RUNX1: variants seen among roughly 807,000 people sequenced by gnomAD.
RUNX1 encodes the protein RUNX family transcription factor 1.
RUNX1 carries 19 observed loss-of-function variants against 42.8 expected under a neutral mutation model. That is an observed-to-expected ratio of 0.44 (90% CI 0.31 to 0.65). The LOEUF (loss-of-function observed/expected upper bound fraction) is 0.65. Among genes scored for constraint, RUNX1 ranks in the 30% least tolerant of loss-of-function variants. The pLI, the probability that RUNX1 is intolerant of heterozygous loss-of-function variation, is 0.07. For missense variants in RUNX1, 528 were observed against 672.0 expected, an observed-to-expected ratio of 0.79 and a Z score of 2.37; for synonymous variants, 271 against 289.4, an observed-to-expected ratio of 0.94 and a Z score of 0.64.
chr21:34,816,009 C>T (rs945339808), intron 7 of RUNX1, among the ~76,000 whole-genome samples: 3 of 151,964 alleles, frequency 2.0e-5, no homozygotes, highest in Non-Finnish European at 4.4e-5. Context: ...AGGGAAATGG[C>T]CCAAGAAAGG....
intron 7 of RUNX1, among the ~76,000 whole-genome samples, chr21:34,816,996 C>T (rs1419249096): frequency 6.6e-6 from 1 of 152,174 alleles, no homozygotes; most frequent in Non-Finnish European, 1.5e-5. Context: ...CATCAGCTGA[C>T]CTGAAATAGC....
chr21:34,819,521 G>T (rs926385390), intron 7 of RUNX1, among the ~76,000 whole-genome samples: 43 of 152,244 alleles, frequency 2.8e-4, no homozygotes, highest in African/African-American at 1.0e-3. Context: ...CCACTCTGGT[G>T]CCTCTGAAAG....
intron 2 of RUNX1, among the ~76,000 whole-genome samples, chr21:34,974,196 A>G (rs556582582): frequency 8.6e-4 from 131 of 152,254 alleles, no homozygotes; most frequent in Non-Finnish European, 1.6e-3. Flanking sequence ...CATCTTAATC[A>G]TCACACGAGC....
chr21:35,006,586 G>A (rs559049181), intron 2 of RUNX1, among the ~76,000 whole-genome samples: 1 of 152,196 alleles, frequency 6.6e-6, no homozygotes, highest in Non-Finnish European at 1.5e-5. Context: ...CAGAAGAGGA[G>A]AGCAATAATA....
chr21:34,879,614 G>A (rs967882741), intron 5 of RUNX1, among the ~76,000 whole-genome samples: 5 of 151,968 alleles, frequency 3.3e-5, no homozygotes, highest in Admixed American at 3.3e-4. Context: ...TTTACCATAA[G>A]TCTTTTTATT....
At chr21:35,009,127 C>A (rs1012042255) in intron 2 of RUNX1, among the ~76,000 whole-genome samples, 2 of 152,148 alleles carry the variant, frequency 1.3e-5, no homozygotes, top group Non-Finnish European at 2.9e-5. Flanking sequence ...CATCTTTTAA[C>A]CCTGTGCCAA....
intron 6 of RUNX1, among the ~76,000 whole-genome samples, chr21:34,853,661 A>C (rs929289872): frequency 3.3e-5 from 5 of 152,210 alleles, no homozygotes; most frequent in Non-Finnish European, 4.4e-5. Flanking sequence ...ACACTATTTA[A>C]TGTTAGCTAT....
chr21:34,792,170 C>A lies in RUNX1; in HGVS notation c.1408G>T (p.Ala470Ser). ...SNSPTNMAPS[A>S]RLEEAVWRPY The stretch of plus-strand genomic sequence containing the variant: ...CTCCACACGGCCTCCTCCAGGCGCG[C>A]GGAGGGCGCCATGTTGGTGGGGGAG... The change falls in exon 9 of 9, where the codon GCG becomes TCG. Residue 470 changes from alanine to serine, a missense_variant. Coordinates refer to ENST00000675419, the MANE Select transcript of RUNX1 (RefSeq NM_001754.5). This position sits in a 1 kb window ranked among gnomAD's most constrained non-coding sequence, Gnocchi z 6.9. The A allele has an allele frequency of 6.6e-7, 1 of 1,523,622 alleles. No homozygotes were observed. Among genetic ancestry groups the A allele is most frequent in the Non-Finnish European group, 8.8e-7 (1 of 1,142,412 alleles). The allele number at this position is 1,523,622 out of a possible 1,614,324, so 94.4% of individuals were successfully genotyped here.
chr21:34,905,420 G>A (rs1392709751), intron 2 of RUNX1, among the ~76,000 whole-genome samples: 1 of 152,176 alleles, frequency 6.6e-6, no homozygotes, highest in African/African-American at 2.4e-5. Flanking sequence ...CTGGGAATGA[G>A]AAGGAAATAA....
intron 3 of RUNX1, among the ~76,000 whole-genome samples, chr21:34,890,955 AC>A (rs2058074959): frequency 1.3e-5 from 2 of 152,080 alleles, no homozygotes; most frequent in Admixed American, 6.5e-5. Context: ...ATCCCCCGGA[AC>A]CCCCGAGATG....
At chr21:35,038,494 A>G (rs1466599303) in intron 2 of RUNX1, 1 of 456,068 alleles carries the variant, frequency 2.2e-6, no homozygotes, top group Non-Finnish European at 4.4e-6. Context: ...CTACACCTAG[A>G]GAAAGCTTCC....
At chr21:34,846,209 T>A (rs2057313914) in intron 6 of RUNX1, among the ~76,000 whole-genome samples, 2 of 150,508 alleles carry the variant, frequency 1.3e-5, no homozygotes, top group African/African-American at 4.9e-5. Flanking sequence ...TTTTTTTTTT[T>A]TTTTTTCAAA....
chr21:34,852,046 T>A (rs779611784), intron 6 of RUNX1, among the ~76,000 whole-genome samples: 15 of 152,190 alleles, frequency 9.9e-5, no homozygotes, highest in Non-Finnish European at 2.2e-4. Flanking sequence ...CACACACCTG[T>A]AGTCCCAGCT....
intron 2 of RUNX1, among the ~76,000 whole-genome samples, chr21:34,997,073 T>A (rs2059001989): frequency 6.6e-6 from 1 of 152,256 alleles, no homozygotes; most frequent in Non-Finnish European, 1.5e-5. Flanking sequence ...TAACTTGTAG[T>A]TTCCACAATG....
At chr21:34,956,830 A>C (rs1456642156) in intron 2 of RUNX1, among the ~76,000 whole-genome samples, 1 of 152,192 alleles carries the variant, frequency 6.6e-6, no homozygotes, top group African/African-American at 2.4e-5. Flanking sequence ...ATACCACTAC[A>C]TCATAGATCT....
At chr21:35,002,025 T>C (rs1429662720) in intron 2 of RUNX1, among the ~76,000 whole-genome samples, 3 of 152,162 alleles carry the variant, frequency 2.0e-5, no homozygotes, top group African/African-American at 4.8e-5. Context: ...CTCATGTTCA[T>C]GGATTGGAAG....
chr21:35,027,827 TTGAA>T (rs2059247871), intron 2 of RUNX1, among the ~76,000 whole-genome samples: 1 of 152,192 alleles, frequency 6.6e-6, no homozygotes. Context: ...TTTTCAGAAG[TTGAA>T]TGGTTTTGTG....
chr21:34,825,712 A>T (rs542021242), intron 7 of RUNX1, among the ~76,000 whole-genome samples: 2 of 152,128 alleles, frequency 1.3e-5, no homozygotes, highest in East Asian at 3.9e-4. Context: ...CCATTTCCTC[A>T]CCCCCAGAAC....
chr21:34,894,648 A>AACC (rs1168228481), intron 2 of RUNX1, among the ~76,000 whole-genome samples: 5 of 152,106 alleles, frequency 3.3e-5, no homozygotes, highest in African/African-American at 1.2e-4. Context: ...TGAATCTGGT[A>AACC]GCCCATCCTC....
Sources: allele counts gnomAD v4.1 joint callset (sites outside exome capture counted in the v4.1 genomes callset), GRCh38; gene constraint gnomAD v4.1.1; non-coding constraint Gnocchi (gnomAD v3.1); transcripts MANE v1.5; gene names NCBI Gene and HGNC (gene_info 2026-07-23, HGNC 2026-07-21).